SIGLEC5: variants seen among roughly 807,000 people sequenced by gnomAD.
SIGLEC5 encodes sialic acid-binding Ig-like lectin 5.
SIGLEC5 carries 34 observed loss-of-function variants against 45.9 expected under a neutral mutation model. The observed-to-expected ratio is 0.74, with a 90% CI of 0.56 to 0.99. The LOEUF is 0.99. Ranked by LOEUF, SIGLEC5 falls within the 50% of genes least tolerant of loss-of-function variation. The probability of loss-of-function intolerance (pLI) is 0.00; values close to 1 mark genes in which losing one functional copy is unlikely to be tolerated. For synonymous variants in SIGLEC5, 203 were observed against 258.6 expected, an observed-to-expected ratio of 0.79 and a Z score of 2.06; for missense variants, 508 against 629.6, an observed-to-expected ratio of 0.81 and a Z score of 2.07.
At chr19:51,624,108 G>A (rs549470993) in intron 8 of SIGLEC5, among the ~76,000 whole-genome samples, 3 of 152,070 alleles carry the variant, frequency 2.0e-5, no homozygotes, top group African/African-American at 4.8e-5. Flanking sequence ...GCAATGAGCC[G>A]AGATCGCACC....
At chr19:51,616,906 CA>C (rs34974873) in intron 8 of SIGLEC5, among the ~76,000 whole-genome samples, 37 of 46,388 alleles carry the variant, frequency 8.0e-4, no homozygotes, top group Admixed American at 2.2e-3. Flanking sequence ...GTGAGACTGT[CA>C]AAAAAAAAAA....
rs756656414 is a variant in SIGLEC5 at position 51,627,632 on chromosome 19, G to A, written c.1112C>T (p.Pro371Leu). The change falls in exon 6 of 9, where the codon CCG becomes CTG. Residue 371 changes from proline to leucine, a missense_variant. Physicochemically the swap from Pro to Leu is moderately conservative, Grantham distance 98. Transcript: ENST00000683636. ...PSLCWRLEEK[P>L]LEGNSSQGSF... ...GCCCTGGCTGCTGTTCCCCTCCAGC[G>A]GCTTCTCCTCAAGCCGCCAGCACAG... 5 of 1,612,414 alleles carry A rather than the reference G, an allele frequency of 3.1e-6. 1 individual carries two copies. The Middle Eastern group carries it at 5.2e-4, about 167-fold the overall frequency.
intron 8 of SIGLEC5, among the ~76,000 whole-genome samples, chr19:51,615,250 C>A (rs887400377): frequency 1.5e-4 from 23 of 152,106 alleles, no homozygotes; most frequent in African/African-American, 5.6e-4. Flanking sequence ...GTGAACAAAA[C>A]TTTACAAATC....
chr19:51,623,028 C>T (rs561308639), intron 8 of SIGLEC5, among the ~76,000 whole-genome samples: 10 of 152,264 alleles, frequency 6.6e-5, no homozygotes, highest in South Asian at 2.1e-4. Flanking sequence ...TTGATGGACA[C>T]TTAGGTTGCT....
intron 8 of SIGLEC5, among the ~76,000 whole-genome samples, chr19:51,616,177 G>A (rs4802829): frequency 0.88 from 133,443 of 152,246 alleles, 58,670 homozygotes; most frequent in East Asian, 0.96. Flanking sequence ...CCAGGGGAAT[G>A]TGAGCTCACA....
Position 51,627,146 on chromosome 19 carries a change from T to TA in SIGLEC5, c.1382+2dup. On this transcript the variant is annotated splice_region_variant and intron_variant, in intron 7 of 8. Transcript: ENST00000683636. ...CTGTACCTTCCCTGGGACCAAGACT[T>TA]ACATTAAAAAGAAGATGAGGCACAG... is the stretch of plus-strand genomic sequence containing the variant. 4 of 1,611,576 alleles carry TA rather than the reference T, an allele frequency of 2.5e-6. No individual in the cohort carries two copies. The highest frequency in any genetic ancestry group is 3.4e-6 in the Non-Finnish European group (4 of 1,177,862).
In SIGLEC5 at chr19:51,624,906, G is replaced by C. The variant is rs538289176; in HGVS notation, c.1464+1126C>G. On this transcript the variant is annotated intron_variant, in intron 8 of 8. Coordinates refer to ENST00000683636, the MANE Select transcript of SIGLEC5 (RefSeq NM_003830.4). ...TTGAGCCTGGGAGGCAGAGGTTGCA[G>C]TGAGCCGAGGTTGCGCCAGTGCACT... Among the ~76,000 whole-genome samples the C allele has an allele frequency of 2.6e-5, 4 of 152,274 alleles. No homozygotes were observed. The East Asian group carries it at 7.7e-4, about 29-fold the overall frequency.
intron 7 of SIGLEC5, 93 bp from the exon 8 acceptor site, chr19:51,626,206 T>A (rs1983474344): frequency 7.9e-6 from 8 of 1,012,720 alleles, no homozygotes; most frequent in Non-Finnish European, 1.2e-5. Context: ...AAAATGACAA[T>A]GAAGCCATCC....
At chr19:51,613,157 G>T (rs553250083) in intron 8 of SIGLEC5, among the ~76,000 whole-genome samples, 1 of 152,286 alleles carries the variant, frequency 6.6e-6, no homozygotes, top group South Asian at 2.1e-4. Flanking sequence ...TAGGAAAGCT[G>T]CAAGGGAATC....
At chr19:51,629,273 C>A in intron 3 of SIGLEC5, 85 bp downstream of exon 3, 2 of 596,338 alleles carry the variant, frequency 3.4e-6, no homozygotes, top group South Asian at 3.9e-5. Flanking sequence ...GTCTTCCTTA[C>A]ACACACACAC....
rs778646851 is a variant in SIGLEC5, at chr19:51,626,016, T to A, written c.1464+16A>T. The A allele has an allele frequency of 1.2e-6, 2 of 1,608,860 alleles. No homozygotes were observed. The highest frequency in any genetic ancestry group is 3.3e-5 in the Admixed American group (2 of 59,972). ...CCGAGTGGACATGCACATGAGAAGA[T>A]CCCCAAACCACTCACCGAGGTGATG... On this transcript the variant is annotated intron_variant, in intron 8 of 8. Coordinates refer to ENST00000683636, the MANE Select transcript of SIGLEC5 (RefSeq NM_003830.4).
At chr19:51,615,050 A>G (rs961124467) in intron 8 of SIGLEC5, among the ~76,000 whole-genome samples, 3 of 152,136 alleles carry the variant, frequency 2.0e-5, no homozygotes, top group African/African-American at 4.8e-5. Context: ...AGGACGTCAA[A>G]CTCCAGGGAC....
chr19:51,618,443 T>TAAAAAAAAAAGAAA (rs1983148186), intron 8 of SIGLEC5, among the ~76,000 whole-genome samples: 1 of 49,438 alleles, frequency 2.0e-5, no homozygotes, highest in Non-Finnish European at 3.4e-5. Context: ...AGACCCTGCC[T>TAAAAAAAAAAGAAA]AAAAAAAAAA....
At position 51,629,960 on chromosome 19, in the gene SIGLEC5, C is replaced by G. The variant is rs374509897; in HGVS notation, c.294G>C (p.Lys98Asn). The stretch of plus-strand genomic sequence containing the variant: ...CTCCGATGCTCAGGGAGCAGTTCTT[C>G]TTCTGGACATCCCCAAGGAGGCGGA... ...GRFRLLGDVQ[K>N]KNCSLSIGDA... is the part of the protein sequence containing the mutation. The change falls in exon 2 of 9, where the codon AAG becomes AAC. Residue 98 changes from lysine (K) to asparagine (N), a missense_variant. Lys to Asn is a moderately conservative substitution (Grantham distance 94). Transcript: ENST00000683636. 7.3e-4 allele frequency: 756 copies of G among 1,032,374 alleles called. 17 individuals carry two copies. In the East Asian group the frequency reaches 0.016, roughly 22 times the overall value. 64.0% of individuals were successfully genotyped at this position (1,032,374 alleles called of 1,614,324 possible). A position where few individuals can be genotyped will look rare whatever the true frequency, so the allele number is the denominator to read the frequency against.
Position 51,625,992 on chromosome 19 carries a change from C to T in SIGLEC5, c.1464+40G>A, listed in dbSNP as rs752122069. On this transcript the variant is annotated intron_variant, in intron 8 of 8. Coordinates refer to ENST00000683636, the MANE Select transcript of SIGLEC5 (RefSeq NM_003830.4). ...GCTGAAGAGCTCAGCCTGGACTTTC[C>T]GAGTGGACATGCACATGAGAAGATC... 20 of 1,547,538 alleles carry T rather than the reference C, an allele frequency of 1.3e-5. No individual in the cohort carries two copies. The African/African-American group carries it at 1.5e-4, about 12-fold the overall frequency.
chr19:51,627,663 G>T lies in SIGLEC5; in HGVS notation c.1081C>A (p.Pro361Thr), dbSNP rs1189194975. Residue 361 changes from proline to threonine, a missense_variant, in exon 6 of 9, where the codon CCC (proline) becomes ACC (threonine). Pro to Thr is a conservative substitution (Grantham distance 38, BLOSUM62 -1). Around this residue, in one of 2 missense-constraint regions of SIGLEC5, gnomAD observed 431 missense variants for 428.8 expected, o/e 1.01. Transcript: ENST00000683636. Reference protein sequence around the residue: ...CRCSFRARPAPSLCWRLEEKP... With the variant: ...CRCSFRARPATSLCWRLEEKP... ...TCCTCAAGCCGCCAGCACAGGGAGGGGGCCGGCCGGGCTCGAAAGGAGCAT... is the reference window on the plus strand; with the variant it reads ...TCCTCAAGCCGCCAGCACAGGGAGGTGGCCGGCCGGGCTCGAAAGGAGCAT... 6.2e-7 allele frequency: 1 copy of T among 1,611,048 alleles called. No homozygotes were observed. Among genetic ancestry groups the T allele is most frequent in the Non-Finnish European group, 8.5e-7 (1 of 1,179,126 alleles).
Position 51,627,687 on chromosome 19 carries a change from A to G in SIGLEC5, c.1057T>C (p.Cys353Arg), listed in dbSNP as rs200372912. ...SWEAEGLHCR[C>R]SFRARPAPSL... Reference sequence around the variant, plus strand: ...GGGGCCGGCCGGGCTCGAAAGGAGCATCTGCAGTGCAGACCCTCAGCCTCC... The same window carrying G: ...GGGGCCGGCCGGGCTCGAAAGGAGCGTCTGCAGTGCAGACCCTCAGCCTCC... The change falls in exon 6 of 9, where the codon TGC (cysteine) becomes CGC (arginine). Residue 353 changes from cysteine (C) to arginine (R), a missense_variant. Transcript: ENST00000683636. 1.8e-4 allele frequency: 286 copies of G among 1,610,078 alleles called. 1 individual carries two copies. Among genetic ancestry groups the G allele is most frequent in the Middle Eastern group, 6.9e-4 (4 of 5,824 alleles).
intron 8 of SIGLEC5, among the ~76,000 whole-genome samples, chr19:51,624,863 C>T (rs1213206113): frequency 6.6e-6 from 1 of 152,140 alleles, no homozygotes; most frequent in Non-Finnish European, 1.5e-5. Flanking sequence ...ACTTGGGAGG[C>T]TGAGGCAGGA....
In SIGLEC5 at chr19:51,615,784, C is replaced by A. The variant is rs113369085; in HGVS notation, c.1465-3362G>T. Among the ~76,000 whole-genome samples, 248 of 152,276 alleles carry A rather than the reference C, an allele frequency of 1.6e-3. 2 individuals are homozygous for A. Among genetic ancestry groups the A allele is most frequent in the African/African-American group, 5.6e-3 (234 of 41,568 alleles). ...ACCCTGGGGCTTGTCCCAGTCATTTCTCTTTTTTTGAGACGATGCTTCACT... is the reference window on the plus strand; with the variant it reads ...ACCCTGGGGCTTGTCCCAGTCATTTATCTTTTTTTGAGACGATGCTTCACT... On this transcript the variant is annotated intron_variant, in intron 8 of 8. Coordinates refer to ENST00000683636, the MANE Select transcript of SIGLEC5 (RefSeq NM_003830.4).
Sources: allele counts gnomAD v4.1 joint callset (sites outside exome capture counted in the v4.1 genomes callset), GRCh38; gene constraint gnomAD v4.1.1; regional missense constraint gnomAD v4.1.1; transcripts MANE v1.5; gene names NCBI Gene and HGNC (gene_info 2026-07-23, HGNC 2026-07-21).